ANO2: variants seen among roughly 807,000 people sequenced by gnomAD.
ANO2 encodes the protein anoctamin-2.
ANO2 carries 101 observed loss-of-function variants against 124.2 expected under a neutral mutation model. The ratio of observed to expected loss-of-function variants is 0.81; its 90% CI spans 0.69 to 0.96. The LOEUF (loss-of-function observed/expected upper bound fraction) is 0.96, where lower values mean the gene tolerates loss of function less well. ANO2 is among the 40% of genes least tolerant of loss of function. The probability of loss-of-function intolerance (pLI) is 0.00; values close to 1 mark genes in which losing one functional copy is unlikely to be tolerated. For synonymous variants in ANO2, 486 were observed against 482.5 expected (o/e 1.01, Z -0.09); for missense variants, 1,293 against 1,274.5 (o/e 1.01, Z -0.22).
chr12:5,809,487 ACT>A (rs1565685530), intron 7 of ANO2, among the ~76,000 whole-genome samples: 1 of 151,844 alleles, frequency 6.6e-6, no homozygotes, highest in Non-Finnish European at 1.5e-5. Context: ...CAGTCCCAAA[ACT>A]CTGTGGAAAA....
At chr12:5,649,940 C>G (rs1946836792) in intron 14 of ANO2, among the ~76,000 whole-genome samples, 1 of 152,354 alleles carries the variant, frequency 6.6e-6, no homozygotes, top group South Asian at 2.1e-4. Context: ...TGAGCCACTG[C>G]ACCCAGCCAC....
chr12:5,608,264 G>A (rs531803235), intron 19 of ANO2, among the ~76,000 whole-genome samples: 39 of 150,552 alleles, frequency 2.6e-4, no homozygotes, highest in Non-Finnish European at 3.5e-4. Context: ...ATTGAGAGTC[G>A]AAGATCCAGT....
chr12:5,809,259 C>T lies in ANO2; in HGVS notation c.893-1891G>A, dbSNP rs56914455. On this transcript the variant is annotated intron_variant, in intron 7 of 24. Transcript: ENST00000682330. ...AGCCATAACCACAGCAATGTGAAGC[C>T]ACCCTACCATAATCAAAGGGAGGAG... Among the ~76,000 whole-genome samples, 375 of 152,254 alleles carry T rather than the reference C, an allele frequency of 2.5e-3. 2 individuals carry two copies. Among genetic ancestry groups the T allele is most frequent in the African/African-American group, 8.6e-3 (356 of 41,524 alleles).
intron 14 of ANO2, among the ~76,000 whole-genome samples, chr12:5,706,186 G>A (rs949056500): frequency 3.9e-5 from 6 of 151,982 alleles, no homozygotes; most frequent in South Asian, 2.1e-4. Flanking sequence ...TTTTCTCCTC[G>A]CAAAACCTCC....
chr12:5,893,845 A>G (rs557804718), intron 3 of ANO2, among the ~76,000 whole-genome samples: 66 of 152,290 alleles, frequency 4.3e-4, no homozygotes, highest in African/African-American at 1.6e-3. Flanking sequence ...GCTGCATAGT[A>G]TTCCACGGTG....
rs142196948 is a variant in ANO2 at position 5,867,484 on chromosome 12, C to G, written c.535-13343G>C. Among the ~76,000 whole-genome samples, 195 of 152,266 alleles carry G rather than the reference C, an allele frequency of 1.3e-3. 5 individuals are homozygous for G. In the East Asian group the frequency reaches 0.031, roughly 25 times the overall value. On this transcript the variant is annotated intron_variant, in intron 3 of 24. Coordinates refer to ENST00000682330, the MANE Select transcript of ANO2 (RefSeq NM_001364791.2). ...ACTAGAAAGTCCTAGGAAAAATTAACCTTCCTGGAATATACAGTGCTCCAC... is the reference window on the plus strand; with the variant it reads ...ACTAGAAAGTCCTAGGAAAAATTAAGCTTCCTGGAATATACAGTGCTCCAC...
intron 13 of ANO2, among the ~76,000 whole-genome samples, chr12:5,738,532 A>C (rs1367787377): frequency 6.6e-6 from 1 of 152,112 alleles, no homozygotes; most frequent in Non-Finnish European, 1.5e-5. Context: ...TGGTGTCAGG[A>C]GGCCTTGAAG....
chr12:5,796,946 G>A (rs1952880629), intron 10 of ANO2, among the ~76,000 whole-genome samples: 1 of 152,218 alleles, frequency 6.6e-6, no homozygotes. Context: ...GAGCACTAGG[G>A]CTCCAGAGGA....
intron 4 of ANO2, among the ~76,000 whole-genome samples, chr12:5,847,714 T>C (rs2137243641): frequency 6.6e-6 from 1 of 152,246 alleles, no homozygotes; most frequent in East Asian, 1.9e-4. Flanking sequence ...CAAAGCTAAA[T>C]GGAATTACCT....
In ANO2 at chr12:5,599,604, G is replaced by A; in HGVS notation, c.2113C>T (p.Leu705=). The A allele has an allele frequency of 6.2e-7, 1 of 1,613,730 alleles. No homozygotes were observed. Among genetic ancestry groups the A allele is most frequent in the South Asian group, 1.1e-5 (1 of 91,004 alleles). ...VPKLKKLFRK[L]KDETEAGETD... is the part of the protein sequence containing the mutation. The stretch of plus-strand genomic sequence containing the variant: ...TCTCCAGCTTCGGTCTCATCTTTCA[G>A]CTTTCGAAATAGTTTCTTTAGCTTC... Residue 705 remains leucine (L), a synonymous_variant, in exon 20 of 25, where the codon CTG becomes TTG. Transcript: ENST00000682330.
rs973072936 is a variant in ANO2 at position 5,904,454 on chromosome 12, G to T, written c.534+16586C>A. 1.3e-5 allele frequency among the ~76,000 whole-genome samples: 2 copies of T among 152,222 alleles called. No individual in the cohort carries two copies. Among genetic ancestry groups the T allele is most frequent in the Non-Finnish European group, 2.9e-5 (2 of 68,034 alleles). ...AGGGAAGCCACAGAAGAGGAAGGCTGAGTGTGCCCAGGGCAGACGCCTCGC... is the reference window on the plus strand; with the variant it reads ...AGGGAAGCCACAGAAGAGGAAGGCTTAGTGTGCCCAGGGCAGACGCCTCGC... On this transcript the variant is annotated intron_variant, in intron 3 of 24. Transcript: ENST00000682330. The surrounding 1 kb of genome is among the most constrained non-coding windows in gnomAD (Gnocchi z 4.1).
rs78909821 is a variant in ANO2, at chr12:5,626,839, T to A, written c.1816+8313A>T. ...AGCAGAGGAAAACACCCCAATTCCC[T>A]AGTGAGGGAGAAAAGGTGCAAACAA... On this transcript the variant is annotated intron_variant, in intron 16 of 24. Transcript: ENST00000682330. Among the ~76,000 whole-genome samples the A allele has an allele frequency of 5.5e-3, 835 of 152,244 alleles. 12 individuals carry two copies. Among genetic ancestry groups the A allele is most frequent in the African/African-American group, 0.017 (719 of 41,540 alleles).
intron 7 of ANO2, among the ~76,000 whole-genome samples, chr12:5,818,511 A>T (rs1953687314): frequency 7.3e-6 from 1 of 137,828 alleles, no homozygotes; most frequent in Admixed American, 7.4e-5. Context: ...GTAATAGGAT[A>T]TATATATATA....
Position 5,590,390 on chromosome 12 carries a change from G to C in ANO2, c.2233+9094C>G, listed in dbSNP as rs148663223. 4.6e-3 allele frequency among the ~76,000 whole-genome samples: 705 copies of C among 152,318 alleles called. 7 individuals are homozygous for C. Among genetic ancestry groups the C allele is most frequent in the African/African-American group, 0.015 (622 of 41,578 alleles). On this transcript the variant is annotated intron_variant, in intron 20 of 24. Coordinates refer to ENST00000682330, the MANE Select transcript of ANO2 (RefSeq NM_001364791.2). ...GGGAGGCACATGGAGACGGAACAGA[G>C]AATGAGCAGTGATGTTAGATTTCTC...
chr12:5,901,625 C>T (rs1198324243), intron 3 of ANO2, among the ~76,000 whole-genome samples: 1 of 152,162 alleles, frequency 6.6e-6, no homozygotes, highest in Non-Finnish European at 1.5e-5. Context: ...CTGCAGAATA[C>T]GGTGAGTGGA....
chr12:5,830,532 C>A (rs756865129), intron 5 of ANO2, 43 bp from the exon 6 acceptor site: 1 of 1,578,072 alleles, frequency 6.3e-7, no homozygotes, highest in Non-Finnish European at 8.6e-7. Flanking sequence ...ATTTCATTAC[C>A]CTTGCCCTGA....
chr12:5,878,905 A>G (rs940521978), intron 3 of ANO2, among the ~76,000 whole-genome samples: 1 of 152,240 alleles, frequency 6.6e-6, no homozygotes, highest in East Asian at 1.9e-4. Context: ...CGCATACCTT[A>G]TAACATTTTA....
intron 3 of ANO2, among the ~76,000 whole-genome samples, chr12:5,868,595 G>A (rs1256086448): frequency 6.6e-6 from 1 of 152,130 alleles, no homozygotes; most frequent in East Asian, 1.9e-4. Context: ...TGAATTAAGG[G>A]GGTTTGTGCA....
chr12:5,796,686 C>T (rs1477343518), intron 10 of ANO2, among the ~76,000 whole-genome samples: 4 of 152,180 alleles, frequency 2.6e-5, no homozygotes, highest in African/African-American at 7.2e-5. Flanking sequence ...TGGGCACGAA[C>T]GACACTGCAG....
Sources: gnomAD v4.1 joint callset for allele counts (sites outside exome capture counted in the v4.1 genomes callset) on GRCh38, gnomAD v4.1.1 for gene constraint, Gnocchi (gnomAD v3.1) non-coding constraint, MANE v1.5 for transcripts, NCBI Gene and HGNC (gene_info 2026-07-23, HGNC 2026-07-21) for gene names.